KPNA1: variants seen among roughly 807,000 people sequenced by gnomAD.
KPNA1 encodes the protein importin subunit alpha-5.
A neutral mutation model predicts 70.5 loss-of-function variants in KPNA1; 10 were observed. The ratio of observed to expected loss-of-function variants is 0.14; its 90% CI spans 0.09 to 0.24. KPNA1 has a LOEUF of 0.24. KPNA1 is among the 10% of genes least tolerant of loss of function. The pLI is 1.00. For missense variants in KPNA1, 397 were observed against 637.9 expected (o/e 0.62, Z 4.07); for synonymous variants, 192 against 221.9 (o/e 0.87, Z 1.20).
chr3:122,491,182 A>G (rs1340084411), intron 2 of KPNA1, among the ~76,000 whole-genome samples: 1 of 152,214 alleles, frequency 6.6e-6, no homozygotes, highest in Admixed American at 6.5e-5. Context: ...TATTTAAAAC[A>G]TTTACACGAT....
intron 10 of KPNA1, among the ~76,000 whole-genome samples, chr3:122,440,679 A>T (rs2076050718): frequency 6.6e-6 from 1 of 152,222 alleles, no homozygotes; most frequent in African/African-American, 2.4e-5. Context: ...ATATAGTCAA[A>T]CATATATTCT....
chr3:122,457,778 A>G (rs1185973637), intron 5 of KPNA1: 1 of 1,289,666 alleles, frequency 7.8e-7, no homozygotes, highest in African/African-American at 1.5e-5. Context: ...CCCTTTCTCC[A>G]TTTGGATCAG....
rs550058883 is a variant in KPNA1 at position 122,499,704 on chromosome 3, A to G, written c.-5-3134T>C. On this transcript the variant is annotated intron_variant, in intron 1 of 13. Transcript: ENST00000344337. Reference sequence around the variant, plus strand: ...AGTCCAGCAGTTGCAGGCTGCAGTGAGCCATGATCACACCACTGTACTCCA... The same window carrying G: ...AGTCCAGCAGTTGCAGGCTGCAGTGGGCCATGATCACACCACTGTACTCCA... Among the ~76,000 whole-genome samples the G allele has an allele frequency of 2.7e-4, 41 of 151,704 alleles. 1 individual carries two copies. In the Middle Eastern group the frequency reaches 0.017, roughly 63 times the overall value.
At chr3:122,471,430 A>C (rs1235637933) in intron 2 of KPNA1, among the ~76,000 whole-genome samples, 3 of 152,240 alleles carry the variant, frequency 2.0e-5, no homozygotes, top group Non-Finnish European at 2.9e-5. Flanking sequence ...AGACTGTCGA[A>C]GTGGATCACA....
intron 3 of KPNA1, among the ~76,000 whole-genome samples, chr3:122,464,676 T>C (rs1043711739): frequency 2.0e-5 from 3 of 152,258 alleles, no homozygotes; most frequent in Non-Finnish European, 4.4e-5. Context: ...ATTAAAACTT[T>C]CCAGTTTCCC....
chr3:122,480,325 G>GT (rs1291461228), intron 2 of KPNA1, among the ~76,000 whole-genome samples: 1 of 152,098 alleles, frequency 6.6e-6, no homozygotes, highest in Non-Finnish European at 1.5e-5. Context: ...TATAGCAAAT[G>GT]TATCACTCCA....
chr3:122,513,689 T>C (rs1444507343), intron 1 of KPNA1, among the ~76,000 whole-genome samples: 5 of 151,584 alleles, frequency 3.3e-5, no homozygotes, highest in Admixed American at 1.3e-4. Flanking sequence ...CATCTACTAA[T>C]AGAGATTTTT....
At chr3:122,491,670 G>T (rs2107492889) in intron 2 of KPNA1, among the ~76,000 whole-genome samples, 1 of 152,258 alleles carries the variant, frequency 6.6e-6, no homozygotes, top group East Asian at 1.9e-4. Context: ...AAACGTCTCA[G>T]CATGATGGAC....
At chr3:122,433,853 A>T in intron 11 of KPNA1, 65 bp from the exon 12 acceptor site, 2 of 1,282,900 alleles carry the variant, frequency 1.6e-6, no homozygotes, top group Non-Finnish European at 2.1e-6. Context: ...CATGATACTA[A>T]TTATAATTTC....
At chr3:122,493,178 T>C (rs2076718899) in intron 2 of KPNA1, among the ~76,000 whole-genome samples, 1 of 152,178 alleles carries the variant, frequency 6.6e-6, no homozygotes, top group Non-Finnish European at 1.5e-5. Context: ...CACAACAGGA[T>C]TAAAACATAT....
rs2075808444 is a variant in KPNA1 at position 122,425,358 on chromosome 3, T to A, written c.*1627A>T. 1 of 152,622 alleles carries A rather than the reference T, an allele frequency of 6.6e-6. No homozygotes were observed. The highest frequency in any genetic ancestry group is 2.4e-5 in the African/African-American group (1 of 41,440). 9.5% of individuals were successfully genotyped at this position (152,622 alleles called of 1,614,324 possible). A position where few individuals can be genotyped will look rare whatever the true frequency, so the allele number is the denominator to read the frequency against. On this transcript the variant is annotated 3_prime_UTR_variant, in exon 14 of 14. Transcript: ENST00000344337. ...TAGCTTGTCAGGGGCAACTTCCAAA[T>A]AGTTTTTACACTTTGGGGTTATAAT...
At chr3:122,453,748 G>A in intron 6 of KPNA1, 122 bp downstream of exon 6, 1 of 801,436 alleles carries the variant, frequency 1.2e-6, no homozygotes. Context: ...TGTTGGCTAG[G>A]CTGGTCTCGA....
chr3:122,437,585 C>T (rs756226137), intron 10 of KPNA1, among the ~76,000 whole-genome samples: 13 of 152,152 alleles, frequency 8.5e-5, no homozygotes, highest in African/African-American at 2.7e-4. Context: ...ATCCCAATAG[C>T]GTAAGTCTTC....
chr3:122,500,250 T>C (rs891600533), intron 1 of KPNA1, among the ~76,000 whole-genome samples: 1 of 151,848 alleles, frequency 6.6e-6, no homozygotes, highest in Admixed American at 6.6e-5. Flanking sequence ...GCCTCCTGAG[T>C]AGCTGGGATT....
chr3:122,479,445 G>A (rs2076544981), intron 2 of KPNA1, among the ~76,000 whole-genome samples: 1 of 152,126 alleles, frequency 6.6e-6, no homozygotes. Context: ...TTGGAAGACA[G>A]TTTAGCAGTC....
In KPNA1 at chr3:122,426,959, C is replaced by T. The variant is rs1439877650; in HGVS notation, c.*26G>A. 6.2e-7 allele frequency: 1 copy of T among 1,601,362 alleles called. No homozygotes were observed. The highest frequency in any genetic ancestry group is 1.3e-5 in the African/African-American group (1 of 74,632). ...CTCGACTGGGTAGCCTGGTCTGACA[C>T]AGGTACGTGAAAGCAGAGTATTGCT... On this transcript the variant is annotated 3_prime_UTR_variant, in exon 14 of 14. Transcript: ENST00000344337.
At chr3:122,433,408 T>G in intron 12 of KPNA1, 1 of 344,640 alleles carries the variant, frequency 2.9e-6, no homozygotes, top group Non-Finnish European at 5.2e-6. Flanking sequence ...ACTTCTTATA[T>G]CCCAGGATTG....
intron 1 of KPNA1, among the ~76,000 whole-genome samples, chr3:122,504,911 CTT>C (rs372328991): frequency 7.1e-6 from 1 of 141,722 alleles, no homozygotes. Context: ...GGGAGAGACT[CTT>C]TTTTTTTTTA....
chr3:122,505,496 T>C (rs775969570), intron 1 of KPNA1, among the ~76,000 whole-genome samples: 3 of 152,188 alleles, frequency 2.0e-5, no homozygotes, highest in Non-Finnish European at 4.4e-5. Context: ...AATTAGTTTA[T>C]CCTAAGCAAA....
Sources: gnomAD v4.1 joint callset for allele counts (sites outside exome capture counted in the v4.1 genomes callset) on GRCh38, gnomAD v4.1.1 for gene constraint, MANE v1.5 for transcripts, NCBI Gene and HGNC (gene_info 2026-07-23, HGNC 2026-07-21) for gene names.